ARL15: variants seen among roughly 807,000 people sequenced by gnomAD.
ARL15 encodes the protein ARF like GTPase 15, also known as ADP-ribosylation factor-like protein 15.
In ARL15, 19 loss-of-function variants were observed where a neutral mutation model predicts 25.2. The ratio of observed to expected loss-of-function variants is 0.75; its 90% CI spans 0.53 to 1.10. The LOEUF is 1.10. Among genes scored for constraint, ARL15 ranks in the 50% least tolerant of loss-of-function variants. The pLI, the probability that ARL15 is intolerant of heterozygous loss-of-function variation, is 0.00. For missense variants in ARL15, 220 were observed against 246.0 expected (o/e 0.89, Z 0.71); for synonymous variants, 94 against 86.8 (o/e 1.08, Z -0.46).
intron 4 of ARL15, among the ~76,000 whole-genome samples, chr5:54,029,371 C>CCACCAT (rs1749900213): frequency 7.0e-6 from 1 of 142,162 alleles, no homozygotes; most frequent in Non-Finnish European, 1.5e-5. Flanking sequence ...ACCACCACCA[C>CCACCAT]CACCACTACA....
At chr5:54,305,695 A>G (rs894796498) in intron 1 of ARL15, among the ~76,000 whole-genome samples, 1 of 152,232 alleles carries the variant, frequency 6.6e-6, no homozygotes, top group Non-Finnish European at 1.5e-5. Flanking sequence ...ACTAATAATA[A>G]AAGTGAACAA....
rs1540386 is a variant in ARL15 at position 53,920,466 on chromosome 5, G to A, written c.463-33753C>T. On this transcript the variant is annotated intron_variant, in intron 4 of 4. Transcript: ENST00000504924. ...AGTCACTGAGCAACTGCCAAATGGT[G>A]AGCATCACTGTAGCTGCTGCCTGGT... 7.0e-3 allele frequency among the ~76,000 whole-genome samples: 1,061 copies of A among 151,960 alleles called. 13 individuals carry two copies. Among genetic ancestry groups the A allele is most frequent in the African/African-American group, 0.024 (1,013 of 41,448 alleles).
In ARL15 at chr5:53,947,410, A is replaced by G. The variant is rs114241401; in HGVS notation, c.463-60697T>C. Reference sequence around the variant, plus strand: ...CAAGGGAAGGAGACACCTGAGGCTGACATTCTTAGCCAAAACTAATCAAAC... The same window carrying G: ...CAAGGGAAGGAGACACCTGAGGCTGGCATTCTTAGCCAAAACTAATCAAAC... On this transcript the variant is annotated intron_variant, in intron 4 of 4. Coordinates refer to ENST00000504924, the MANE Select transcript of ARL15 (RefSeq NM_019087.3). Among the ~76,000 whole-genome samples, 744 of 152,262 alleles carry G rather than the reference A, an allele frequency of 4.9e-3. 2 individuals carry two copies. Among genetic ancestry groups the G allele is most frequent in the Admixed American group, 8.9e-3 (136 of 15,292 alleles).
intron 4 of ARL15, among the ~76,000 whole-genome samples, chr5:53,986,777 A>C (rs1748312820): frequency 6.6e-6 from 1 of 152,228 alleles, no homozygotes; most frequent in Non-Finnish European, 1.5e-5. Flanking sequence ...CACATTCTGT[A>C]CTGGAGCTAC....
intron 4 of ARL15, among the ~76,000 whole-genome samples, chr5:53,930,137 T>A (rs1746154299): frequency 3.3e-5 from 5 of 152,184 alleles, no homozygotes; most frequent in Non-Finnish European, 1.5e-5. Flanking sequence ...AAATAAAATA[T>A]TTTCATAATA....
At chr5:53,932,628 G>A (rs890619049) in intron 4 of ARL15, among the ~76,000 whole-genome samples, 2 of 152,196 alleles carry the variant, frequency 1.3e-5, no homozygotes, top group African/African-American at 2.4e-5. Flanking sequence ...AGTACTGGGT[G>A]AAAGCCAAAT....
intron 3 of ARL15, among the ~76,000 whole-genome samples, chr5:54,131,878 G>A (rs1323945868): frequency 6.6e-6 from 1 of 151,582 alleles, no homozygotes; most frequent in African/African-American, 2.4e-5. Context: ...ACTCCAGCCT[G>A]GGCCACAGAG....
intron 3 of ARL15, among the ~76,000 whole-genome samples, chr5:54,136,812 C>A (rs1753618312): frequency 2.0e-5 from 3 of 151,692 alleles, no homozygotes; most frequent in African/African-American, 7.3e-5. Context: ...ATCCATAGTA[C>A]TGCCAGGACT....
chr5:54,264,793 C>T (rs1037775498), intron 1 of ARL15, among the ~76,000 whole-genome samples: 2 of 152,174 alleles, frequency 1.3e-5, no homozygotes, highest in African/African-American at 4.8e-5. Flanking sequence ...TGAAGCCTAC[C>T]TTGACCACCT....
At chr5:54,237,677 T>G (rs1284675648) in intron 1 of ARL15, among the ~76,000 whole-genome samples, 2 of 152,238 alleles carry the variant, frequency 1.3e-5, no homozygotes, top group Non-Finnish European at 2.9e-5. Flanking sequence ...ATGCAAACTG[T>G]GTTTTTAAGA....
chr5:54,155,587 C>T (rs1191512050), intron 2 of ARL15, among the ~76,000 whole-genome samples: 2 of 151,974 alleles, frequency 1.3e-5, no homozygotes, highest in Non-Finnish European at 2.9e-5. Flanking sequence ...TCAGAGTATA[C>T]AGTTCTATGA....
chr5:54,077,485 A>G (rs1751647275), intron 4 of ARL15, among the ~76,000 whole-genome samples: 1 of 152,214 alleles, frequency 6.6e-6, no homozygotes, highest in Non-Finnish European at 1.5e-5. Context: ...ACTCAAAAGG[A>G]AGCAATCTAC....
chr5:54,134,119 G>A (rs1436860651), intron 3 of ARL15, among the ~76,000 whole-genome samples: 2 of 152,176 alleles, frequency 1.3e-5, no homozygotes, highest in Non-Finnish European at 1.5e-5. Flanking sequence ...AAGGTTACCA[G>A]ATGATTGGTG....
chr5:54,239,231 ATT>A (rs57640006), intron 1 of ARL15, among the ~76,000 whole-genome samples: 90,101 of 148,674 alleles, frequency 0.61, 27,699 homozygotes, highest in Non-Finnish European at 0.68. Flanking sequence ...TATGAATGCC[ATT>A]TTTTTTTTTT....
chr5:54,135,298 G>A (rs2112290996), intron 3 of ARL15, among the ~76,000 whole-genome samples: 1 of 152,282 alleles, frequency 6.6e-6, no homozygotes, highest in Admixed American at 6.5e-5. Flanking sequence ...AACCTAAAAA[G>A]AGATGAATAT....
chr5:53,903,892 C>T (rs946645834), intron 4 of ARL15, among the ~76,000 whole-genome samples: 6 of 152,164 alleles, frequency 3.9e-5, no homozygotes, highest in South Asian at 2.1e-4. Flanking sequence ...GTGAACATAA[C>T]AAGTCCTGGC....
At chr5:54,072,437 A>C (rs2112078055) in intron 4 of ARL15, among the ~76,000 whole-genome samples, 1 of 152,274 alleles carries the variant, frequency 6.6e-6, no homozygotes, top group East Asian at 1.9e-4. Flanking sequence ...CAGTGTCACT[A>C]AGCACAAAAA....
chr5:54,155,957 A>G (rs1335185070), intron 2 of ARL15, among the ~76,000 whole-genome samples: 1 of 152,218 alleles, frequency 6.6e-6, no homozygotes, highest in East Asian at 1.9e-4. Flanking sequence ...ATTATTTAAT[A>G]TGTATAATTT....
rs559344083 is a variant in ARL15, at chr5:54,018,273, C to T, written c.462+94929G>A. Reference sequence around the variant, plus strand: ...TGATTTATAATTTGTTGCCTTTTGTCTTTTTCAACAGTATGTCATTAAGTC... The same window carrying T: ...TGATTTATAATTTGTTGCCTTTTGTTTTTTTCAACAGTATGTCATTAAGTC... On this transcript the variant is annotated intron_variant, in intron 4 of 4. Transcript: ENST00000504924. 3.3e-5 allele frequency among the ~76,000 whole-genome samples: 5 copies of T among 152,040 alleles called. No homozygotes were observed. The East Asian group carries it at 9.7e-4, about 29-fold the overall frequency.
Sources: gnomAD v4.1 joint callset for allele counts (sites outside exome capture counted in the v4.1 genomes callset) on GRCh38, gnomAD v4.1.1 for gene constraint, MANE v1.5 for transcripts, NCBI Gene and HGNC (gene_info 2026-07-23, HGNC 2026-07-21) for gene names.